Variants in CENPI observed in about 807,000 individuals in gnomAD.
CENPI encodes FSH primary response 1.
Under a neutral mutation model 60.4 loss-of-function variants are expected in CENPI, and 4 were observed. The ratio of observed to expected loss-of-function variants is 0.07; its 90% confidence interval spans 0.03 to 0.15. CENPI has a LOEUF of 0.15. Among genes scored for constraint, CENPI ranks in the 10% least tolerant of loss-of-function variants. The probability of loss-of-function intolerance (pLI) is 1.00; values close to 1 mark genes in which losing one functional copy is unlikely to be tolerated. For missense variants in CENPI, 444 were observed against 534.5 expected (o/e 0.83, Z 1.67); for synonymous variants, 157 against 189.4 (o/e 0.83, Z 1.40).
chrX:101,157,937 C>G (rs1384642146), intron 20 of CENPI, among the ~76,000 whole-genome samples: 1 of 111,142 alleles, frequency 9.0e-6, no homozygotes, highest in Non-Finnish European at 1.9e-5. Context: ...ATTAACCAAC[C>G]TCTCTTCATA....
intron 2 of CENPI, chrX:101,099,772 GTTTAC>G (rs2089390406): frequency 1.2e-5 from 1 of 81,412 alleles, no homozygotes; most frequent in Non-Finnish European, 2.4e-5. Flanking sequence ...ATTCATTATT[GTTTAC>G]TTTTCTTCCT....
At position 101,112,001 on chromosome X, in the gene CENPI, C is replaced by T. The variant is rs755904781; in HGVS notation, c.591+2003C>T. Among the ~76,000 whole-genome samples the T allele has an allele frequency of 6.3e-5, 7 of 111,250 alleles. No individual in the cohort carries two copies. In the South Asian group the frequency reaches 1.1e-3, roughly 18 times the overall value. On this transcript the variant is annotated intron_variant, in intron 6 of 21. Coordinates refer to ENST00000682095, the MANE Select transcript of CENPI (RefSeq NM_001386188.2). Reference sequence around the variant, plus strand: ...GAGCCAAGATTGTGCCACTGCACTCCGGCCTGGCGACAGAGTGAGACTCTG... The same window carrying T: ...GAGCCAAGATTGTGCCACTGCACTCTGGCCTGGCGACAGAGTGAGACTCTG...
At position 101,102,391 on chromosome X, in the gene CENPI, T is replaced by C. The variant is rs141102097; in HGVS notation, c.344T>C (p.Ile115Thr). The C allele has an allele frequency of 9.5e-5, 112 of 1,180,609 alleles. No homozygotes were observed. The African/African-American group carries it at 1.8e-3, about 19-fold the overall frequency. Residue 115 changes from isoleucine to threonine, a missense_variant, in exon 4 of 22, where the codon ATT becomes ACT. Coordinates refer to ENST00000682095, the MANE Select transcript of CENPI (RefSeq NM_001386188.2). Reference sequence around the variant, plus strand: ...GAAGAAATTGATATTCTATTAAATATTGCACTCAGTGGCAAATTTGGTATG... The same window carrying C: ...GAAGAAATTGATATTCTATTAAATACTGCACTCAGTGGCAAATTTGGTATG... The part of the protein sequence containing the change: ...ASEEIDILLN[I>T]ALSGKFGNAV...
chrX:101,104,801 A>G (rs2059238125), intron 4 of CENPI, among the ~76,000 whole-genome samples: 1 of 108,498 alleles, frequency 9.2e-6, no homozygotes, highest in African/African-American at 3.4e-5. Flanking sequence ...TTGAGCTATG[A>G]TGGTGCCACT....
chrX:101,132,369 A>G, intron 14 of CENPI, 23 bp from the exon 15 acceptor site: 1 of 1,204,826 alleles, frequency 8.3e-7, no homozygotes, highest in Non-Finnish European at 1.1e-6. Context: ...AGGATTTTGA[A>G]TAATCTTTTT....
intron 6 of CENPI, among the ~76,000 whole-genome samples, chrX:101,116,494 A>G (rs748306802): frequency 1.8e-5 from 2 of 111,487 alleles, no homozygotes; most frequent in South Asian, 7.5e-4. Context: ...AGAGTTTGAT[A>G]TGGTGGCGGG....
chrX:101,101,271 A>G lies in CENPI; in HGVS notation c.201A>G (p.Gln67=), dbSNP rs748685872. ...ATCAAGCTGAAGAAGATGCTTTGCA[A>G]ATGGCAGTGGGATATTTTGAGAAAG... ...ADDQAEEDAL[Q]MAVGYFEKGP... Residue 67 remains glutamine, a synonymous_variant, in exon 3 of 22, where the codon CAA becomes CAG. Transcript: ENST00000682095. The G allele has an allele frequency of 8.4e-7, 1 of 1,195,660 alleles. No homozygotes were observed. Among genetic ancestry groups the G allele is most frequent in the African/African-American group, 1.8e-5 (1 of 57,038 alleles).
chrX:101,121,829 G>A (rs1390448461), intron 8 of CENPI, among the ~76,000 whole-genome samples: 1 of 92,477 alleles, frequency 1.1e-5, no homozygotes, highest in Non-Finnish European at 2.1e-5. Flanking sequence ...TTGAGATGGA[G>A]TTTACCTCTG....
intron 12 of CENPI, among the ~76,000 whole-genome samples, chrX:101,129,263 A>G (rs764185842): frequency 8.1e-5 from 9 of 111,605 alleles, no homozygotes; most frequent in African/African-American, 1.6e-4. Context: ...CCCCTCTGCT[A>G]TCAGCATATA....
intron 18 of CENPI, 142 bp downstream of exon 18, chrX:101,146,419 C>G: frequency 1.8e-6 from 1 of 541,472 alleles, no homozygotes; most frequent in South Asian, 4.0e-5. Context: ...TGGACATGAC[C>G]TTCCGATATG....
At chrX:101,131,894 G>T (rs1443953123) in intron 13 of CENPI, among the ~76,000 whole-genome samples, 1 of 111,522 alleles carries the variant, frequency 9.0e-6, no homozygotes, top group Non-Finnish European at 1.9e-5. Context: ...TGTACCCCAA[G>T]ATAATAAATC....
At chrX:101,127,447 G>A (rs746299085) in intron 10 of CENPI, 51 bp from the exon 11 acceptor site, 5 of 1,040,767 alleles carry the variant, frequency 4.8e-6, no homozygotes, top group Admixed American at 6.1e-5. Flanking sequence ...TATATTTGTG[G>A]TTTGTAGTCT....
In CENPI at chrX:101,126,595, C is replaced by G. The variant is rs149086597; in HGVS notation, c.688-114C>G. 825 of 555,515 alleles carry G rather than the reference C, an allele frequency of 1.5e-3. 4 individuals carry two copies. The African/African-American group carries it at 0.016, about 11-fold the overall frequency. 45.8% of individuals were successfully genotyped at this position (555,515 alleles called of 1,213,427 possible). Reference sequence around the variant, plus strand: ...GATTTTTGATAGCATCTTCCTATAGCTATATCTCAGCGAAATTATGGTCTG... The same window carrying G: ...GATTTTTGATAGCATCTTCCTATAGGTATATCTCAGCGAAATTATGGTCTG... On this transcript the variant is annotated intron_variant, in intron 8 of 21. Transcript: ENST00000682095.
chrX:101,133,846 T>A (rs2089820873), intron 15 of CENPI, among the ~76,000 whole-genome samples: 1 of 112,009 alleles, frequency 8.9e-6, no homozygotes, highest in Admixed American at 9.5e-5. Flanking sequence ...TTGTGAGTAG[T>A]TCCAGTGGAA....
At chrX:101,173,926 G>A in the CENPI span, among the ~76,000 whole-genome samples, 2 of 111,552 alleles carry the variant, frequency 1.8e-5, no homozygotes, top group Admixed American at 9.6e-5. Flanking sequence ...CATTAAAAAT[G>A]GGCAAAAAAC....
chrX:101,130,557 G>A (rs2089785744), intron 13 of CENPI, among the ~76,000 whole-genome samples: 1 of 112,295 alleles, frequency 8.9e-6, no homozygotes, highest in East Asian at 2.8e-4. Flanking sequence ...TAGATTTGAA[G>A]AAAGAATATG....
At chrX:101,145,276 T>C in intron 17 of CENPI, 77 bp downstream of exon 17, 1 of 811,495 alleles carries the variant, frequency 1.2e-6, no homozygotes. Context: ...TTAAATTTCA[T>C]GCACAACCAT....
rs140874500 is a variant in CENPI at position 101,140,126 on chromosome X, G to A, written c.1471-540G>A. The stretch of plus-strand genomic sequence containing the variant: ...GCTGGGATTACAGGCGTGAGCCACC[G>A]CACCCAGCCCATCATTGTATGTTTT... On this transcript the variant is annotated intron_variant, in intron 15 of 21. Coordinates refer to ENST00000682095, the MANE Select transcript of CENPI (RefSeq NM_001386188.2). Among the ~76,000 whole-genome samples the A allele has an allele frequency of 8.2e-3, 916 of 112,117 alleles. 10 individuals are homozygous for A. The highest frequency in any genetic ancestry group is 0.027 in the African/African-American group (848 of 30,923).
chrX:101,119,500 C>T (rs1166655425), intron 6 of CENPI, among the ~76,000 whole-genome samples: 1 of 111,768 alleles, frequency 8.9e-6, no homozygotes, highest in African/African-American at 3.2e-5. Flanking sequence ...CTATTCAACT[C>T]TGCTGGTGTG....
Sources: gnomAD v4.1 joint callset for allele counts (sites outside exome capture counted in the v4.1 genomes callset) on GRCh38, gnomAD v4.1.1 for gene constraint, MANE v1.5 for transcripts, NCBI Gene and HGNC (gene_info 2026-07-23, HGNC 2026-07-21) for gene names.